The following COL24A1 variants were observed in gnomAD, a reference collection of about 807,000 sequenced individuals.
The protein encoded by COL24A1 is collagen type XXIV alpha 1 chain.
COL24A1 carries 224 observed loss-of-function variants against 253.9 expected under a neutral mutation model. That is an observed-to-expected ratio of 0.88 (90% CI 0.79 to 0.99). The LOEUF (loss-of-function observed/expected upper bound fraction) is 0.99, where lower values mean the gene tolerates loss of function less well. Among genes scored for constraint, COL24A1 ranks in the 50% least tolerant of loss-of-function variants. The probability of loss-of-function intolerance (pLI) is 0.00; values close to 1 mark genes in which losing one functional copy is unlikely to be tolerated. For synonymous variants in COL24A1, 685 were observed against 673.7 expected (o/e 1.02, Z -0.26); for missense variants, 2,131 against 2,068.5 (o/e 1.03, Z -0.59).
In COL24A1 at chr1:85,898,407, C is replaced by T. The variant is rs909373156; in HGVS notation, c.2779-1998G>A. On this transcript the variant is annotated intron_variant, in intron 28 of 59. Coordinates refer to ENST00000370571, the MANE Select transcript of COL24A1 (RefSeq NM_152890.7). ...CACATTCAGGGATTTGGACAGAACA[C>T]ACACTTCATGGAGGATCTGTAGCTC... Among the ~76,000 whole-genome samples the T allele has an allele frequency of 1.2e-4, 18 of 152,286 alleles. No homozygotes were observed. The East Asian group carries it at 3.5e-3, about 29-fold the overall frequency.
chr1:85,904,664 G>T (rs540296758), intron 28 of COL24A1, among the ~76,000 whole-genome samples: 52 of 152,162 alleles, frequency 3.4e-4, no homozygotes, highest in African/African-American at 1.2e-3. Context: ...TCTTATCTAA[G>T]AATCTCTGTA....
intron 23 of COL24A1, among the ~76,000 whole-genome samples, chr1:85,963,418 G>C (rs373319073): frequency 6.6e-6 from 1 of 152,080 alleles, no homozygotes; most frequent in South Asian, 2.1e-4. Context: ...GTGCTACTTA[G>C]TTTTAAGGGA....
chr1:85,786,399 C>A lies in COL24A1; in HGVS notation c.4014G>T (p.Lys1338Asn). 6.2e-7 allele frequency: 1 copy of A among 1,613,848 alleles called. No homozygotes were observed. Among genetic ancestry groups the A allele is most frequent in the Non-Finnish European group, 8.5e-7 (1 of 1,179,864 alleles). The change falls in exon 48 of 60, where the codon AAG becomes AAT. Residue 1338 changes from lysine to asparagine, a missense_variant. Lys to Asn is a moderately conservative substitution (Grantham distance 94). Transcript: ENST00000370571. ...GGCTTCCTGGCAAGCCTGATGAACC[C>A]TTTACTCCTGGAGGACCTGGAGCCC... is the stretch of plus-strand genomic sequence containing the variant. ...LAGAPGPPGV[K>N]GSSGLPGSPG...
rs114749578 is a variant in COL24A1, at chr1:86,110,750, A to G, written c.1599+1817T>C. On this transcript the variant is annotated intron_variant, in intron 5 of 59. Transcript: ENST00000370571. ...GATGGCCCGCCCGTGCTGCGCTCGA[A>G]TTCTCGCTGGGCCTCAACCGCCTGC... Among the ~76,000 whole-genome samples the G allele has an allele frequency of 2.8e-3, 421 of 152,124 alleles. 3 individuals carry two copies. The highest frequency in any genetic ancestry group is 9.6e-3 in the African/African-American group (400 of 41,518).
chr1:85,989,163 G>A (rs1338475043), intron 19 of COL24A1, among the ~76,000 whole-genome samples: 1 of 151,746 alleles, frequency 6.6e-6, no homozygotes, highest in Non-Finnish European at 1.5e-5. Context: ...GACACTTCTA[G>A]CTCCTGCTGT....
intron 32 of COL24A1, among the ~76,000 whole-genome samples, chr1:85,877,519 C>T (rs1022225997): frequency 1.3e-5 from 2 of 152,092 alleles, no homozygotes; most frequent in African/African-American, 4.8e-5. Flanking sequence ...ATTGCCACCA[C>T]GCATGGCTAA....
intron 24 of COL24A1, among the ~76,000 whole-genome samples, chr1:85,940,951 G>A (rs1339447969): frequency 6.6e-6 from 1 of 152,104 alleles, no homozygotes; most frequent in Non-Finnish European, 1.5e-5. Flanking sequence ...CTGCCCTTTT[G>A]AATGAGTCTC....
At chr1:86,107,091 AC>A (rs1309852905) in intron 5 of COL24A1, among the ~76,000 whole-genome samples, 1 of 152,144 alleles carries the variant, frequency 6.6e-6, no homozygotes, top group Non-Finnish European at 1.5e-5. Flanking sequence ...AAGTTAGGTA[AC>A]CCCACCACTA....
intron 37 of COL24A1, among the ~76,000 whole-genome samples, chr1:85,867,536 A>G (rs114478934): frequency 0.013 from 1,975 of 152,288 alleles, 51 homozygotes; most frequent in African/African-American, 0.045. Context: ...AAAAGGGATG[A>G]CTCCCAAGAT....
At chr1:85,958,630 C>T (rs886483251) in intron 24 of COL24A1, among the ~76,000 whole-genome samples, 1 of 152,112 alleles carries the variant, frequency 6.6e-6, no homozygotes, top group Non-Finnish European at 1.5e-5. Flanking sequence ...CTACATTAAA[C>T]CAAAAGCTGT....
At chr1:86,066,305 C>T (rs1031944744) in intron 7 of COL24A1, among the ~76,000 whole-genome samples, 3 of 137,030 alleles carry the variant, frequency 2.2e-5, no homozygotes, top group Non-Finnish European at 4.6e-5. Context: ...GTGGCACGAT[C>T]TCGGCTCACT....
At chr1:86,024,537 T>C (rs906227257) in intron 14 of COL24A1, among the ~76,000 whole-genome samples, 5 of 152,194 alleles carry the variant, frequency 3.3e-5, no homozygotes, top group African/African-American at 1.2e-4. Context: ...TCTTAAAGTC[T>C]GTGAAATACA....
At chr1:86,025,175 A>C (rs1697907454) in intron 14 of COL24A1, among the ~76,000 whole-genome samples, 1 of 152,188 alleles carries the variant, frequency 6.6e-6, no homozygotes, top group Non-Finnish European at 1.5e-5. Context: ...TCTCAGTTCT[A>C]CCAAGGTAAC....
intron 31 of COL24A1, 98 bp from the exon 32 acceptor site, chr1:85,889,711 C>G: frequency 1.0e-6 from 1 of 967,624 alleles, no homozygotes. Context: ...TTCCACCCAA[C>G]TTTTCTGTCT....
chr1:86,053,220 T>C (rs552395271), intron 10 of COL24A1, among the ~76,000 whole-genome samples: 2 of 152,150 alleles, frequency 1.3e-5, no homozygotes, highest in South Asian at 2.1e-4. Context: ...TTTTAATATA[T>C]ACAACAGGAG....
intron 24 of COL24A1, among the ~76,000 whole-genome samples, chr1:85,947,508 G>A (rs1213109810): frequency 1.3e-5 from 2 of 152,052 alleles, no homozygotes; most frequent in East Asian, 3.9e-4. Flanking sequence ...AGTTACTATT[G>A]CACATATTTT....
At chr1:85,858,755 T>C (rs949699182) in intron 37 of COL24A1, among the ~76,000 whole-genome samples, 3 of 151,390 alleles carry the variant, frequency 2.0e-5, no homozygotes, top group Non-Finnish European at 4.4e-5. Context: ...TCTTTTCTTT[T>C]CTTTTCGGAC....
At chr1:86,022,495 A>C in intron 17 of COL24A1, 43 bp downstream of exon 17, 1 of 1,526,108 alleles carries the variant, frequency 6.6e-7, no homozygotes, top group Non-Finnish European at 9.0e-7. Context: ...TTTTGAATTT[A>C]CACTTTTTCA....
At chr1:85,903,182 A>G (rs892374592) in intron 28 of COL24A1, among the ~76,000 whole-genome samples, 5 of 152,208 alleles carry the variant, frequency 3.3e-5, no homozygotes, top group Non-Finnish European at 5.9e-5. Context: ...TGATAACCAC[A>G]TTTAGTTTAA....
Sources: allele counts gnomAD v4.1 joint callset (sites outside exome capture counted in the v4.1 genomes callset), GRCh38; gene constraint gnomAD v4.1.1; transcripts MANE v1.5; gene names NCBI Gene and HGNC (gene_info 2026-07-23, HGNC 2026-07-21).